Variants in HTR1F observed in about 807,000 individuals in gnomAD.
The protein encoded by HTR1F is 5-hydroxytryptamine (serotonin) receptor 1F, G protein-coupled.
Under a neutral mutation model 24.0 loss-of-function variants are expected in HTR1F, and 17 were observed. The observed-to-expected ratio is 0.71, with a 90% confidence interval of 0.48 to 1.06. The LOEUF is 1.06. HTR1F is among the 50% of genes least tolerant of loss of function. The probability of loss-of-function intolerance (pLI) is 0.00; values close to 1 mark genes in which losing one functional copy is unlikely to be tolerated. For synonymous variants in HTR1F, 186 were observed against 156.8 expected, an observed-to-expected ratio of 1.19 and a Z score of -1.39; for missense variants, 391 against 427.8, an observed-to-expected ratio of 0.91 and a Z score of 0.76.
intron 2 of HTR1F, among the ~76,000 whole-genome samples, chr3:87,967,070 T>C: frequency 6.6e-6 from 1 of 152,174 alleles, no homozygotes; most frequent in East Asian, 1.9e-4. Context: ...ATATTGTCTA[T>C]CCTAATAGTA....
intron 2 of HTR1F, among the ~76,000 whole-genome samples, chr3:87,843,172 A>C (rs1704847004): frequency 6.6e-6 from 1 of 151,964 alleles, no homozygotes; most frequent in South Asian, 2.1e-4. Context: ...TCTCAGAAAC[A>C]AAAATATTAA....
chr3:87,944,508 A>G (rs1258631679), intron 2 of HTR1F, among the ~76,000 whole-genome samples: 1 of 152,194 alleles, frequency 6.6e-6, no homozygotes, highest in East Asian at 1.9e-4. Context: ...GGAACCATCT[A>G]TCGTCCTGTC....
At chr3:87,944,466 C>A (rs1453128738) in intron 2 of HTR1F, among the ~76,000 whole-genome samples, 1 of 152,190 alleles carries the variant, frequency 6.6e-6, no homozygotes, top group Admixed American at 6.5e-5. Context: ...TTACTGAATA[C>A]CCATTGTGGT....
At chr3:87,940,452 A>T (rs1457104977) in intron 2 of HTR1F, among the ~76,000 whole-genome samples, 1 of 152,252 alleles carries the variant, frequency 6.6e-6, no homozygotes, top group East Asian at 1.9e-4. Flanking sequence ...AGGGATGTGA[A>T]GGACCTCTTC....
chr3:87,982,765 T>A (rs1185814865), intron 2 of HTR1F, among the ~76,000 whole-genome samples: 1 of 152,200 alleles, frequency 6.6e-6, no homozygotes, highest in East Asian at 1.9e-4. Context: ...GTGGCCACTA[T>A]GTGTTTCCCA....
intron 2 of HTR1F, among the ~76,000 whole-genome samples, chr3:87,943,612 C>A (rs995231192): frequency 6.6e-6 from 1 of 152,082 alleles, no homozygotes; most frequent in Non-Finnish European, 1.5e-5. Context: ...GGGAGGTAGA[C>A]TCTGAGGGCT....
intron 2 of HTR1F, among the ~76,000 whole-genome samples, chr3:87,945,085 T>A (rs1395044967): frequency 6.6e-6 from 1 of 151,838 alleles, no homozygotes; most frequent in African/African-American, 2.4e-5. Context: ...TCTCTCTCTC[T>A]CCTCCATCTC....
chr3:87,851,602 G>T (rs1705087884), intron 2 of HTR1F, among the ~76,000 whole-genome samples: 1 of 151,436 alleles, frequency 6.6e-6, no homozygotes, highest in African/African-American at 2.4e-5. Context: ...TCTTTTTAAT[G>T]ACAGTCTAAT....
rs1400523182 is a variant in HTR1F at position 87,990,868 on chromosome 3, T to C, written c.119T>C (p.Ile40Thr). 8 of 1,614,108 alleles carry C rather than the reference T, an allele frequency of 5.0e-6. No individual in the cohort carries two copies. The highest frequency in any genetic ancestry group is 5.9e-6 in the Non-Finnish European group (7 of 1,180,040). Residue 40 changes from isoleucine to threonine, a missense_variant, in exon 3 of 3, where the codon ATC becomes ACC. Transcript: ENST00000319595. ...LSGLALMTTT[I>T]NSLVIAAIIV... ...GGGCTGGCACTGATGACAACAACTA[T>C]CAACTCCCTTGTGATCGCTGCAATT...
At chr3:87,844,225 T>A (rs1704882191) in intron 2 of HTR1F, among the ~76,000 whole-genome samples, 1 of 151,878 alleles carries the variant, frequency 6.6e-6, no homozygotes, top group African/African-American at 2.4e-5. Context: ...CCATTCTAAC[T>A]GGTGTGAGAT....
intron 2 of HTR1F, among the ~76,000 whole-genome samples, chr3:87,938,759 C>T (rs555317664): frequency 1.3e-5 from 2 of 152,184 alleles, no homozygotes; most frequent in Non-Finnish European, 2.9e-5. Flanking sequence ...AAACTGGACC[C>T]CTTCCTTACC....
chr3:87,807,080 C>CT (rs1704085947), intron 1 of HTR1F, among the ~76,000 whole-genome samples: 1 of 151,832 alleles, frequency 6.6e-6, no homozygotes, highest in Non-Finnish European at 1.5e-5. Context: ...CAGTTTTGTC[C>CT]TTTTTGCTCA....
At chr3:87,885,854 T>C (rs1156794868) in intron 2 of HTR1F, among the ~76,000 whole-genome samples, 1 of 152,082 alleles carries the variant, frequency 6.6e-6, no homozygotes, top group African/African-American at 2.4e-5. Context: ...ATCAATAGCC[T>C]ACCAACCAAA....
chr3:87,989,826 G>C (rs1379489011), intron 2 of HTR1F, among the ~76,000 whole-genome samples: 1 of 152,214 alleles, frequency 6.6e-6, no homozygotes, highest in Non-Finnish European at 1.5e-5. Flanking sequence ...TGGGGAGAAA[G>C]AGAGTTTTTA....
At chr3:87,838,322 A>G (rs377736601) in intron 2 of HTR1F, among the ~76,000 whole-genome samples, 2 of 152,138 alleles carry the variant, frequency 1.3e-5, no homozygotes, top group East Asian at 1.9e-4. Context: ...GTTGTCCTGT[A>G]TTCCACCCTT....
chr3:87,931,765 T>C (rs529144758), intron 2 of HTR1F, among the ~76,000 whole-genome samples: 5 of 151,170 alleles, frequency 3.3e-5, no homozygotes, highest in South Asian at 2.1e-4. Flanking sequence ...TGGTATCTCA[T>C]AGTGGTTTTG....
chr3:87,849,023 C>T (rs1488671248), intron 2 of HTR1F, among the ~76,000 whole-genome samples: 14 of 151,408 alleles, frequency 9.2e-5, no homozygotes, highest in Non-Finnish European at 5.9e-5. Flanking sequence ...GTGAAAATGG[C>T]CATACTGCCC....
intron 2 of HTR1F, among the ~76,000 whole-genome samples, chr3:87,894,559 CT>C (rs35190252): frequency 0.021 from 1,542 of 74,698 alleles, no homozygotes; most frequent in Non-Finnish European, 0.029. Flanking sequence ...TGCCCAGCCT[CT>C]TTTTTTTTTT....
intron 2 of HTR1F, among the ~76,000 whole-genome samples, chr3:87,888,680 A>C (rs1167779636): frequency 1.3e-5 from 2 of 152,162 alleles, no homozygotes; most frequent in African/African-American, 4.8e-5. Flanking sequence ...TAAGCTCTGC[A>C]ATCTCTTTCT....
Sources: allele counts gnomAD v4.1 joint callset (sites outside exome capture counted in the v4.1 genomes callset), GRCh38; gene constraint gnomAD v4.1.1; transcripts MANE v1.5; gene names NCBI Gene and HGNC (gene_info 2026-07-23, HGNC 2026-07-21).